Variants in CTNND2 observed in about 807,000 individuals in gnomAD.
The protein encoded by CTNND2 is catenin delta-2.
In CTNND2, 22 loss-of-function variants were observed where a neutral mutation model predicts 144.4. That is an observed-to-expected ratio of 0.15 (90% confidence interval 0.11 to 0.22). CTNND2 has a LOEUF of 0.22. Ranked by LOEUF, CTNND2 falls within the 10% of genes least tolerant of loss-of-function variation. The pLI is 1.00. For synonymous variants in CTNND2, 751 were observed against 695.6 expected, an observed-to-expected ratio of 1.08 and a Z score of -1.25; for missense variants, 1,353 against 1,618.8, an observed-to-expected ratio of 0.84 and a Z score of 2.82.
At chr5:11,352,871 T>G (rs1422595764) in intron 8 of CTNND2, among the ~76,000 whole-genome samples, 2 of 152,080 alleles carry the variant, frequency 1.3e-5, no homozygotes, top group East Asian at 1.9e-4. Flanking sequence ...TAGAACTTGG[T>G]ATAAAAATTA....
intron 2 of CTNND2, among the ~76,000 whole-genome samples, chr5:11,711,491 TA>T (rs1561719184): frequency 6.6e-6 from 1 of 152,180 alleles, no homozygotes; most frequent in East Asian, 1.9e-4. Flanking sequence ...GTCTTTTATA[TA>T]AAAAAATCAA....
In CTNND2 at chr5:11,643,146, C is replaced by T. The variant is rs2727613; in HGVS notation, c.175-78090G>A. Among the ~76,000 whole-genome samples, 430 of 152,202 alleles carry T rather than the reference C, an allele frequency of 2.8e-3. 1 individual carries two copies. Among genetic ancestry groups the T allele is most frequent in the African/African-American group, 9.2e-3 (381 of 41,516 alleles). Reference sequence around the variant, plus strand: ...TCAAATTTAAAACAGTAAAATAGATCGCAAACTGTAAGGTGTAATATTTTA... The same window carrying T: ...TCAAATTTAAAACAGTAAAATAGATTGCAAACTGTAAGGTGTAATATTTTA... On this transcript the variant is annotated intron_variant, in intron 2 of 21. Coordinates refer to ENST00000304623, the MANE Select transcript of CTNND2 (RefSeq NM_001332.4).
chr5:11,073,959 T>G (rs1748629737), intron 16 of CTNND2, among the ~76,000 whole-genome samples: 1 of 152,244 alleles, frequency 6.6e-6, no homozygotes, highest in Admixed American at 6.5e-5. Context: ...AAGAAACATA[T>G]TTTGAAAAGC....
intron 10 of CTNND2, among the ~76,000 whole-genome samples, chr5:11,218,570 GA>G (rs932146120): frequency 2.6e-5 from 4 of 151,742 alleles, no homozygotes; most frequent in African/African-American, 9.7e-5. Flanking sequence ...AACTAGGATT[GA>G]AAAAAAAGGC....
intron 21 of CTNND2, among the ~76,000 whole-genome samples, chr5:10,974,495 A>G (rs1736207809): frequency 6.6e-6 from 1 of 152,244 alleles, no homozygotes; most frequent in Admixed American, 6.5e-5. Flanking sequence ...GCTGCTGTAA[A>G]TAATGTTGCA....
chr5:11,468,167 C>G (rs1392932175), intron 3 of CTNND2, among the ~76,000 whole-genome samples: 2 of 152,136 alleles, frequency 1.3e-5, no homozygotes. Flanking sequence ...TGCAGAATTT[C>G]CAGGGAGACA....
chr5:11,696,242 A>T (rs10061132), intron 2 of CTNND2, among the ~76,000 whole-genome samples: 20,451 of 152,264 alleles, frequency 0.13, 4,512 homozygotes, highest in African/African-American at 0.46. Context: ...AAACTTTATT[A>T]GTAGGCGCTG....
Position 11,102,970 on chromosome 5 carries a change from A to ATTT in CTNND2, c.2464-4225_2464-4223dup, listed in dbSNP as rs778134907. On this transcript the variant is annotated intron_variant, in intron 14 of 21. Coordinates refer to ENST00000304623, the MANE Select transcript of CTNND2 (RefSeq NM_001332.4). The stretch of plus-strand genomic sequence containing the variant: ...GCAGGGCTTAAATTCTATTTAAAAG[A>ATTT]TTTTTTTTTTTTTTTTTTTTTTTTT... Among the ~76,000 whole-genome samples, 150 of 84,090 alleles carry ATTT rather than the reference A, an allele frequency of 1.8e-3. 10 individuals carry two copies. The highest frequency in any genetic ancestry group is 4.3e-3 in the African/African-American group (83 of 19,304). 55.2% of individuals were successfully genotyped at this position (84,090 alleles called of 152,430 possible).
At chr5:11,757,146 C>T (rs376120340) in intron 1 of CTNND2, among the ~76,000 whole-genome samples, 14 of 151,730 alleles carry the variant, frequency 9.2e-5, no homozygotes, top group African/African-American at 3.1e-4. Context: ...CACACATATA[C>T]ATACATACAT....
intron 2 of CTNND2, among the ~76,000 whole-genome samples, chr5:11,718,916 C>T (rs922972636): frequency 7.2e-5 from 11 of 152,130 alleles, no homozygotes; most frequent in African/African-American, 2.4e-4. Context: ...CTTGAGACTG[C>T]ATAGTCTTTA....
intron 2 of CTNND2, among the ~76,000 whole-genome samples, chr5:11,609,677 C>T (rs1296999001): frequency 6.6e-6 from 1 of 152,122 alleles, no homozygotes; most frequent in African/African-American, 2.4e-5. Context: ...ACAAGTGAAA[C>T]AACACAAAGG....
At chr5:11,165,223 T>C (rs190314643) in intron 11 of CTNND2, among the ~76,000 whole-genome samples, 59 of 152,354 alleles carry the variant, frequency 3.9e-4, no homozygotes, top group Admixed American at 7.8e-4. Flanking sequence ...CATTTTTAGC[T>C]AGTAGAGAAA....
At chr5:11,895,311 C>T (rs961992382) in intron 1 of CTNND2, among the ~76,000 whole-genome samples, 3 of 152,162 alleles carry the variant, frequency 2.0e-5, no homozygotes, top group Admixed American at 2.0e-4. Context: ...TATTATTTCG[C>T]AGTAGAAACA....
chr5:11,403,706 G>A lies in CTNND2; in HGVS notation c.440-6503C>T, dbSNP rs114427737. On this transcript the variant is annotated intron_variant, in intron 5 of 21. Coordinates refer to ENST00000304623, the MANE Select transcript of CTNND2 (RefSeq NM_001332.4). The stretch of plus-strand genomic sequence containing the variant: ...AGTTTAAAGAGGATCTGATATATTC[G>A]TATTTCTCACTATCAATACTTGCAA... Among the ~76,000 whole-genome samples, 990 of 152,216 alleles carry A rather than the reference G, an allele frequency of 6.5e-3. 14 individuals are homozygous for A. Among genetic ancestry groups the A allele is most frequent in the Middle Eastern group, 0.02 (6 of 294 alleles).
chr5:11,110,830 G>A (rs1752888686), intron 14 of CTNND2, 28 bp downstream of exon 14: 1 of 1,596,218 alleles, frequency 6.3e-7, no homozygotes, highest in South Asian at 1.1e-5. Context: ...GGGGATAATT[G>A]CATGCAGCTG....
chr5:11,030,020 G>A (rs904214717), intron 16 of CTNND2, among the ~76,000 whole-genome samples: 1 of 146,848 alleles, frequency 6.8e-6, no homozygotes, highest in Admixed American at 7.1e-5. Context: ...GCTGGACATA[G>A]GATTCTTGGC....
intron 2 of CTNND2, among the ~76,000 whole-genome samples, chr5:11,642,475 A>C (rs1321458423): frequency 6.6e-6 from 1 of 152,202 alleles, no homozygotes; most frequent in East Asian, 1.9e-4. Context: ...CCAGCAGCAC[A>C]AACTCTGATG....
At chr5:11,205,915 C>G (rs569763255) in intron 10 of CTNND2, among the ~76,000 whole-genome samples, 1 of 152,086 alleles carries the variant, frequency 6.6e-6, no homozygotes, top group Non-Finnish European at 1.5e-5. Flanking sequence ...ATCTTAAAAC[C>G]GGTTTCCCCC....
chr5:11,400,244 T>C (rs914872055), intron 5 of CTNND2, among the ~76,000 whole-genome samples: 4 of 151,966 alleles, frequency 2.6e-5, no homozygotes, highest in African/African-American at 4.8e-5. Context: ...TGGAAAGAAA[T>C]GGTAGACGAA....
Sources: allele counts gnomAD v4.1 joint callset (sites outside exome capture counted in the v4.1 genomes callset), GRCh38; gene constraint gnomAD v4.1.1; transcripts MANE v1.5; gene names NCBI Gene and HGNC (gene_info 2026-07-23, HGNC 2026-07-21).